NEBL: variants seen among roughly 807,000 people sequenced by gnomAD.
NEBL encodes the protein nebulette, also known as LIM and SH3 protein 2.
A neutral mutation model predicts 140.2 loss-of-function variants in NEBL; 122 were observed. That is an observed-to-expected ratio of 0.87 (90% CI 0.75 to 1.01). The LOEUF (loss-of-function observed/expected upper bound fraction) is 1.01, where lower values mean the gene tolerates loss of function less well. Among genes scored for constraint, NEBL ranks in the 50% least tolerant of loss-of-function variants. The pLI is 0.00. For missense variants in NEBL, 1,365 were observed against 1,231.3 expected, an observed-to-expected ratio of 1.11 and a Z score of -1.62; for synonymous variants, 436 against 398.9, an observed-to-expected ratio of 1.09 and a Z score of -1.11.
intron 13 of NEBL, among the ~76,000 whole-genome samples, chr10:20,837,988 T>C (rs1332080249): frequency 6.6e-6 from 1 of 152,232 alleles, no homozygotes; most frequent in Non-Finnish European, 1.5e-5. Context: ...ACAATGCACC[T>C]GGTCACCAAA....
At chr10:20,982,867 C>A (rs1837109086) in intron 3 of NEBL, among the ~76,000 whole-genome samples, 1 of 151,972 alleles carries the variant, frequency 6.6e-6, no homozygotes, top group South Asian at 2.1e-4. Context: ...CTTAAGAATG[C>A]CAAGTTTTAC....
upstream of NEBL, chr10:21,175,015 C>T (rs1191718716): frequency 2.0e-5 from 3 of 152,212 alleles, no homozygotes; most frequent in Non-Finnish European, 4.4e-5. Context: ...AAAGCAATTA[C>T]AAACTCGTAG....
intron 20 of NEBL, 93 bp downstream of exon 20, chr10:20,819,331 G>A: frequency 6.3e-7 from 1 of 1,589,348 alleles, no homozygotes; most frequent in Middle Eastern, 1.8e-4. Flanking sequence ...TCCTGTGTTA[G>A]TTTGCTAAGG....
chr10:20,967,310 G>A (rs1232973304), intron 3 of NEBL, among the ~76,000 whole-genome samples: 3 of 152,244 alleles, frequency 2.0e-5, no homozygotes, highest in South Asian at 2.1e-4. Context: ...GAAACATTAC[G>A]CTGAGGGGAG....
chr10:21,146,370 C>G, intron 2 of NEBL: 1 of 1,613,062 alleles, frequency 6.2e-7, no homozygotes, highest in Non-Finnish European at 8.5e-7. Context: ...TACATTTCAG[C>G]CACACAAGAA....
At chr10:20,863,517 T>C (rs1225587752) in intron 7 of NEBL, among the ~76,000 whole-genome samples, 1 of 152,188 alleles carries the variant, frequency 6.6e-6, no homozygotes, top group African/African-American at 2.4e-5. Context: ...GGACAGATTT[T>C]TACATAGAAC....
At chr10:20,903,168 T>C (rs1847942858) in intron 4 of NEBL, among the ~76,000 whole-genome samples, 1 of 152,178 alleles carries the variant, frequency 6.6e-6, no homozygotes, top group Admixed American at 6.5e-5. Context: ...TATACATACA[T>C]ACCTATGATA....
At chr10:21,172,343 A>G in intron 2 of NEBL, 6 of 1,499,648 alleles carry the variant, frequency 4.0e-6, no homozygotes, top group South Asian at 1.1e-5. Context: ...TCAAGCTCTG[A>G]GGCTGTGCCA....
chr10:20,866,784 G>A (rs759676995), intron 7 of NEBL, among the ~76,000 whole-genome samples: 1 of 152,098 alleles, frequency 6.6e-6, no homozygotes, highest in South Asian at 2.1e-4. Context: ...CTTTCACTTT[G>A]TTGGTATTTC....
chr10:21,004,576 C>T (rs1192339514), intron 3 of NEBL, among the ~76,000 whole-genome samples: 2 of 152,086 alleles, frequency 1.3e-5, no homozygotes, highest in Non-Finnish European at 2.9e-5. Context: ...AAAAATCAGC[C>T]AGGCATGGTG....
intron 2 of NEBL, chr10:21,146,489 CT>C (rs1469809805): frequency 2.5e-6 from 4 of 1,612,900 alleles, no homozygotes; most frequent in Non-Finnish European, 3.4e-6. Flanking sequence ...AGAGTAGATT[CT>C]TCTTTCACTT....
intron 3 of NEBL, among the ~76,000 whole-genome samples, chr10:21,189,357 A>G (rs1234242495): frequency 6.6e-6 from 1 of 152,206 alleles, no homozygotes; most frequent in Non-Finnish European, 1.5e-5. Flanking sequence ...GAAGCTGGAA[A>G]AAGCAAAGAA....
chr10:21,105,545 C>T (rs1279750444), intron 2 of NEBL, among the ~76,000 whole-genome samples: 4 of 152,150 alleles, frequency 2.6e-5, no homozygotes, highest in South Asian at 2.1e-4. Flanking sequence ...TATAGTATTC[C>T]GTGGTGCATA....
At chr10:21,151,003 CA>C (rs1422097358) in intron 2 of NEBL, among the ~76,000 whole-genome samples, 3 of 152,136 alleles carry the variant, frequency 2.0e-5, no homozygotes, top group Non-Finnish European at 4.4e-5. Context: ...CAGAAATATA[CA>C]GATTGTTAGG....
At chr10:21,053,071 A>T (rs1035077574) in intron 2 of NEBL, among the ~76,000 whole-genome samples, 2 of 152,240 alleles carry the variant, frequency 1.3e-5, no homozygotes, top group African/African-American at 4.8e-5. Context: ...TGATTTGATC[A>T]CTATACATTG....
At chr10:20,856,004 G>C (rs778525800) in intron 9 of NEBL, among the ~76,000 whole-genome samples, 6 of 152,082 alleles carry the variant, frequency 3.9e-5, no homozygotes, top group Non-Finnish European at 7.4e-5. Flanking sequence ...AGATAAAGGA[G>C]GCCATTCTAA....
rs114946953 is a variant in NEBL, at chr10:20,927,291, T to C, written c.357+34381A>G. On this transcript the variant is annotated intron_variant, in intron 4 of 6. Transcript: ENST00000417816. The stretch of plus-strand genomic sequence containing the variant: ...AACTTCAACCCTTTAAAATTTATAT[T>C]AACTTTAAATTATTCCTATTAAATA... 9.8e-3 allele frequency among the ~76,000 whole-genome samples: 1,498 copies of C among 152,358 alleles called. 20 individuals carry two copies. Among genetic ancestry groups the C allele is most frequent in the African/African-American group, 0.034 (1,427 of 41,564 alleles).
At chr10:20,865,273 T>G (rs1243133019) in intron 7 of NEBL, among the ~76,000 whole-genome samples, 1 of 152,196 alleles carries the variant, frequency 6.6e-6, no homozygotes, top group African/African-American at 2.4e-5. Context: ...TGAAATTATG[T>G]CATGTTTCTA....
chr10:21,236,128 ATTCT>A (rs1275292134), intron 3 of NEBL, among the ~76,000 whole-genome samples: 1 of 152,154 alleles, frequency 6.6e-6, no homozygotes, highest in African/African-American at 2.4e-5. Context: ...GCATTCAGTA[ATTCT>A]TTCTACAGGT....
Sources: allele counts gnomAD v4.1 joint callset (sites outside exome capture counted in the v4.1 genomes callset), GRCh38; gene constraint gnomAD v4.1.1; transcripts MANE v1.5; gene names NCBI Gene and HGNC (gene_info 2026-07-23, HGNC 2026-07-21).